Variants in CACNA2D3 observed in about 807,000 individuals in gnomAD.
CACNA2D3 encodes calcium voltage-gated channel auxiliary subunit alpha2delta 3.
Under a neutral mutation model 160.6 loss-of-function variants are expected in CACNA2D3, and 60 were observed. The observed-to-expected ratio is 0.37, with a 90% CI of 0.30 to 0.46. The LOEUF (loss-of-function observed/expected upper bound fraction) is 0.46, where lower values mean the gene tolerates loss of function less well. CACNA2D3 is among the 20% of genes least tolerant of loss of function. CACNA2D3 has a pLI of 1.00. For missense variants in CACNA2D3, 1,205 were observed against 1,365.0 expected (o/e 0.88, Z 1.85); for synonymous variants, 558 against 492.9 (o/e 1.13, Z -1.75).
chr3:54,892,425 C>G (rs1559619563), intron 25 of CACNA2D3, among the ~76,000 whole-genome samples: 1 of 152,060 alleles, frequency 6.6e-6, no homozygotes, highest in Non-Finnish European at 1.5e-5. Flanking sequence ...CTAGGTGAGG[C>G]CCTGACACCC....
chr3:55,071,581 C>G (rs1704810565), intron 35 of CACNA2D3, among the ~76,000 whole-genome samples: 1 of 152,148 alleles, frequency 6.6e-6, no homozygotes, highest in Non-Finnish European at 1.5e-5. Context: ...TCTTCATCTT[C>G]AGTACTCCCA....
At chr3:54,146,675 A>G (rs1297545859) in intron 2 of CACNA2D3, among the ~76,000 whole-genome samples, 4 of 152,216 alleles carry the variant, frequency 2.6e-5, no homozygotes, top group Non-Finnish European at 5.9e-5. Context: ...CATGGAAGCT[A>G]CAAGGGAGTG....
At chr3:55,040,399 T>A (rs1703932090) in intron 35 of CACNA2D3, among the ~76,000 whole-genome samples, 1 of 152,208 alleles carries the variant, frequency 6.6e-6, no homozygotes, top group Non-Finnish European at 1.5e-5. Context: ...AAAAATAATA[T>A]TCAAATATCC....
chr3:54,647,428 G>A (rs576533657), intron 11 of CACNA2D3, among the ~76,000 whole-genome samples: 6 of 152,306 alleles, frequency 3.9e-5, no homozygotes, highest in African/African-American at 1.4e-4. Flanking sequence ...CTAGGTGGTG[G>A]TTCTGTTTCA....
chr3:54,156,382 C>G lies in CACNA2D3; in HGVS notation c.204+32788C>G, dbSNP rs1003842726. On this transcript the variant is annotated intron_variant, in intron 2 of 37. Coordinates refer to ENST00000474759, the MANE Select transcript of CACNA2D3 (RefSeq NM_018398.3). ...GGAGCTGGGCCTTCATACACTAATG[C>G]CGTCAGTCACTGGATGAGAGCTGCT... Among the ~76,000 whole-genome samples the G allele has an allele frequency of 1.6e-4, 24 of 152,264 alleles. No individual in the cohort carries two copies. The Middle Eastern group carries it at 0.014, about 86-fold the overall frequency.
intron 35 of CACNA2D3, among the ~76,000 whole-genome samples, chr3:55,037,815 A>T (rs1703863166): frequency 6.6e-6 from 1 of 152,202 alleles, no homozygotes; most frequent in Non-Finnish European, 1.5e-5. Flanking sequence ...AAAAGCAAAA[A>T]CTGTAAGGTA....
At chr3:54,829,902 T>G (rs1249330885) in intron 14 of CACNA2D3, among the ~76,000 whole-genome samples, 1 of 134,554 alleles carries the variant, frequency 7.4e-6, no homozygotes, top group African/African-American at 2.9e-5. Flanking sequence ...TTTTTTTTTT[T>G]TTTTTTTTTT....
intron 3 of CACNA2D3, among the ~76,000 whole-genome samples, chr3:54,381,903 A>G (rs1428533883): frequency 6.6e-6 from 1 of 152,232 alleles, no homozygotes; most frequent in Non-Finnish European, 1.5e-5. Flanking sequence ...GCATCAACTC[A>G]TGAATTACAA....
intron 5 of CACNA2D3, among the ~76,000 whole-genome samples, chr3:54,510,009 G>T (rs950260626): frequency 6.6e-6 from 1 of 152,176 alleles, no homozygotes; most frequent in Non-Finnish European, 1.5e-5. Flanking sequence ...GCCCTTTGTG[G>T]CTCCTCAGTC....
At chr3:54,898,176 CTTTTCT>C (rs1700240053) in intron 26 of CACNA2D3, among the ~76,000 whole-genome samples, 1 of 95,030 alleles carries the variant, frequency 1.1e-5, no homozygotes, top group Non-Finnish European at 2.4e-5. Flanking sequence ...CTTTTCTTTT[CTTTTCT>C]TTTCTTTTCT....
At chr3:54,936,229 ATAGGTATCAAC>A (rs1167126384) in intron 27 of CACNA2D3, among the ~76,000 whole-genome samples, 2 of 152,106 alleles carry the variant, frequency 1.3e-5, no homozygotes, top group Admixed American at 6.5e-5. Flanking sequence ...TATTGTGTCT[ATAGGTATCAAC>A]TAGGTACTTA....
intron 2 of CACNA2D3, among the ~76,000 whole-genome samples, chr3:54,194,890 T>C (rs147576083): frequency 6.6e-6 from 1 of 152,256 alleles, no homozygotes; most frequent in East Asian, 1.9e-4. Context: ...TTCCAATACA[T>C]GGATTTGGGG....
At chr3:54,547,651 AAAG>A (rs1428742533) in intron 5 of CACNA2D3, among the ~76,000 whole-genome samples, 1 of 141,632 alleles carries the variant, frequency 7.1e-6, no homozygotes, top group Non-Finnish European at 1.5e-5. Flanking sequence ...TTTATATTTT[AAAG>A]AAGAACCTCC....
chr3:54,829,434 T>C (rs1036900968), intron 14 of CACNA2D3, among the ~76,000 whole-genome samples: 5 of 152,140 alleles, frequency 3.3e-5, no homozygotes, highest in African/African-American at 1.2e-4. Context: ...AGGACTTTTT[T>C]GGCTGGTGGA....
chr3:54,815,972 C>G (rs1208880675), intron 13 of CACNA2D3, among the ~76,000 whole-genome samples: 1 of 152,192 alleles, frequency 6.6e-6, no homozygotes, highest in African/African-American at 2.4e-5. Flanking sequence ...TAATGGCAGT[C>G]ATAATACTGT....
At chr3:54,843,057 G>A (rs1465528009) in intron 16 of CACNA2D3, among the ~76,000 whole-genome samples, 8 of 150,476 alleles carry the variant, frequency 5.3e-5, no homozygotes. Flanking sequence ...CACCTCCCGG[G>A]TTCAAGCGAT....
At chr3:54,991,388 A>T (rs1396752677) in intron 31 of CACNA2D3, among the ~76,000 whole-genome samples, 1 of 151,896 alleles carries the variant, frequency 6.6e-6, no homozygotes, top group East Asian at 1.9e-4. Flanking sequence ...ATGCCCAGCT[A>T]ATTTTTGTAT....
At chr3:54,209,075 C>T (rs950013901) in intron 2 of CACNA2D3, among the ~76,000 whole-genome samples, 3 of 152,120 alleles carry the variant, frequency 2.0e-5, no homozygotes, top group East Asian at 3.9e-4. Flanking sequence ...TTGTCTCCCA[C>T]GGGGTCCCTC....
chr3:54,956,457 A>G (rs776133119), intron 27 of CACNA2D3, among the ~76,000 whole-genome samples: 1 of 152,218 alleles, frequency 6.6e-6, no homozygotes, highest in Admixed American at 6.5e-5. Flanking sequence ...TTTAAAGGCC[A>G]GGAAATGCAG....
Sources: allele counts gnomAD v4.1 joint callset (sites outside exome capture counted in the v4.1 genomes callset), GRCh38; gene constraint gnomAD v4.1.1; transcripts MANE v1.5; gene names NCBI Gene and HGNC (gene_info 2026-07-23, HGNC 2026-07-21).